The following CRYBG3 variants were observed in gnomAD, a reference collection of about 807,000 sequenced individuals.
The protein encoded by CRYBG3 is very large A-kinase anchor protein.
A neutral mutation model predicts 244.2 loss-of-function variants in CRYBG3; 127 were observed. That is an observed-to-expected ratio of 0.52 (90% CI 0.45 to 0.60). The LOEUF (loss-of-function observed/expected upper bound fraction) is 0.60. Ranked by LOEUF, CRYBG3 falls within the 20% of genes least tolerant of loss-of-function variation. CRYBG3 has a pLI of 0.00. For synonymous variants in CRYBG3, 1,132 were observed against 1,195.8 expected, an observed-to-expected ratio of 0.95 and a Z score of 1.10; for missense variants, 3,325 against 3,442.5, an observed-to-expected ratio of 0.97 and a Z score of 0.85.
rs2039356948 is a variant in CRYBG3 at position 97,875,252 on chromosome 3, A to G, written c.4058A>G (p.Asp1353Gly). 11 of 1,509,500 alleles carry G rather than the reference A, an allele frequency of 7.3e-6. No homozygotes were observed. The highest frequency in any genetic ancestry group is 2.2e-5 in the Admixed American group (1 of 45,330). The allele number at this position is 1,509,500 out of a possible 1,614,324, so 93.5% of individuals were successfully genotyped here. A position where few individuals can be genotyped will look rare whatever the true frequency, so the allele number is the denominator to read the frequency against. Reference sequence around the variant, plus strand: ...AACAGTGATAGTGTTAAGCCACATGATGTAGTTAGAGAGTTCTTGGTTTCA... The same window carrying G: ...AACAGTGATAGTGTTAAGCCACATGGTGTAGTTAGAGAGTTCTTGGTTTCA... ...ILNSDSVKPH[D>G]VVREFLVSEQ... Residue 1353 changes from aspartate (D) to glycine (G), a missense_variant, in exon 4 of 22, where the codon GAT (aspartate) becomes GGT (glycine). Physicochemically the swap from Asp to Gly is moderately conservative, Grantham distance 94. Coordinates refer to ENST00000389622, the MANE Select transcript of CRYBG3 (RefSeq NM_153605.4).
intron 20 of CRYBG3, 100 bp from the exon 21 acceptor site, chr3:97,942,184 C>A: frequency 9.7e-7 from 1 of 1,027,020 alleles, no homozygotes; most frequent in Non-Finnish European, 1.4e-6. Flanking sequence ...CACACACACA[C>A]TTCATGTCTA....
chr3:97,888,081 A>G (rs2039530441), intron 8 of CRYBG3, among the ~76,000 whole-genome samples: 1 of 152,230 alleles, frequency 6.6e-6, no homozygotes. Flanking sequence ...TCAGAAAAAT[A>G]AAAGTAATGC....
intron 17 of CRYBG3, among the ~76,000 whole-genome samples, chr3:97,921,996 C>T (rs750388493): frequency 1.3e-5 from 2 of 152,078 alleles, no homozygotes; most frequent in Non-Finnish European, 2.9e-5. Flanking sequence ...TGTAGAAAAA[C>T]TTCAGATAAA....
In CRYBG3 at chr3:97,899,121, C is replaced by CT; in HGVS notation, c.7845-10dup. On this transcript the variant is annotated splice_polypyrimidine_tract_variant and intron_variant, in intron 13 of 21. Transcript: ENST00000389622. ...ACTTGTTTTTATTTTTTTGTTTTTT[C>CT]TTTTTTCCCTACTAGATGGGTTGCC... is the stretch of plus-strand genomic sequence containing the variant. The CT allele has an allele frequency of 2.5e-6, 4 of 1,591,766 alleles. No individual in the cohort carries two copies. Among genetic ancestry groups the CT allele is most frequent in the Admixed American group, 1.9e-5 (1 of 53,948 alleles).
chr3:97,896,164 A>C, intron 12 of CRYBG3, 79 bp downstream of exon 12: 1 of 1,307,924 alleles, frequency 7.6e-7, no homozygotes, highest in South Asian at 1.5e-5. Context: ...TCCTGATAGA[A>C]CATGAGATTA....
chr3:97,843,869 T>C (rs1259294909), intron 2 of CRYBG3, among the ~76,000 whole-genome samples: 1 of 152,160 alleles, frequency 6.6e-6, no homozygotes, highest in Non-Finnish European at 1.5e-5. Context: ...TTCTAGAAAT[T>C]TGATGTTTCC....
rs376829784 is a variant in CRYBG3 at position 97,896,294 on chromosome 3, T to C, written c.7701+209T>C. Among the ~76,000 whole-genome samples, 6 of 152,320 alleles carry C rather than the reference T, an allele frequency of 3.9e-5. No individual in the cohort carries two copies. The East Asian group carries it at 1.2e-3, about 29-fold the overall frequency. On this transcript the variant is annotated intron_variant, in intron 12 of 21. Coordinates refer to ENST00000389622, the MANE Select transcript of CRYBG3 (RefSeq NM_153605.4). ...AACTTTTCATCCATTGTTTCCGTAATCATCTTTTGAGTACCTTCTTTGTTA... is the reference window on the plus strand; with the variant it reads ...AACTTTTCATCCATTGTTTCCGTAACCATCTTTTGAGTACCTTCTTTGTTA...
intron 17 of CRYBG3, chr3:97,933,015 T>TA: frequency 2.5e-6 from 1 of 403,770 alleles, no homozygotes; most frequent in Admixed American, 3.2e-5. Flanking sequence ...AGTTTTAATT[T>TA]AACTATTTGT....
Position 97,877,647 on chromosome 3 carries a change from G to A in CRYBG3, c.6453G>A (p.Glu2151=). ...GAGAGGCAGCTGATGAGGAAGAAGA[G>A]GAGGAGGAGGCAGCAGTATTGCATA... ...DDREAADEEE[E]EEEAAVLHKG... is the part of the protein sequence containing the mutation. Residue 2151 remains glutamate (E), a synonymous_variant, in exon 4 of 22, where the codon GAG becomes GAA. Transcript: ENST00000389622. 5 of 1,614,050 alleles carry A rather than the reference G, an allele frequency of 3.1e-6. No individual in the cohort carries two copies. The highest frequency in any genetic ancestry group is 1.1e-5 in the South Asian group (1 of 91,072).
At chr3:97,894,740 A>T (rs1249713219) in intron 11 of CRYBG3, among the ~76,000 whole-genome samples, 1 of 152,178 alleles carries the variant, frequency 6.6e-6, no homozygotes, top group Non-Finnish European at 1.5e-5. Context: ...TGTTTTGAGT[A>T]GCCACACTTA....
In CRYBG3 at chr3:97,873,153, T is replaced by C. The variant is rs1201496800; in HGVS notation, c.1959T>C (p.Ser653=). Residue 653 remains serine, a synonymous_variant, in exon 4 of 22, where the codon AGT becomes AGC. Coordinates refer to ENST00000389622, the MANE Select transcript of CRYBG3 (RefSeq NM_153605.4). ...LSLDCKKLNF[S]ISPPTFVSGV... ...TTGACTGTAAAAAACTAAATTTCAG[T>C]ATTTCACCTCCTACCTTTGTTTCTG... 8 of 1,535,780 alleles carry C rather than the reference T, an allele frequency of 5.2e-6. No individual in the cohort carries two copies. The highest frequency in any genetic ancestry group is 5.2e-6 in the Non-Finnish European group (6 of 1,146,716).
chr3:97,937,383 C>T (rs1018097048), intron 19 of CRYBG3, among the ~76,000 whole-genome samples: 1 of 152,230 alleles, frequency 6.6e-6, no homozygotes, highest in Non-Finnish European at 1.5e-5. Context: ...CCCCACCTTG[C>T]TTCTCCAACC....
chr3:97,923,147 T>A lies in CRYBG3; in HGVS notation c.8241+7411T>A, dbSNP rs140894368. 2.6e-5 allele frequency among the ~76,000 whole-genome samples: 4 copies of A among 151,994 alleles called. No individual in the cohort carries two copies. The East Asian group carries it at 7.8e-4, about 30-fold the overall frequency. On this transcript the variant is annotated intron_variant, in intron 17 of 21. Transcript: ENST00000389622. ...GGTGGGAATTGAACAATGAGAACAC[T>A]TGGACACAGGGCAGGGAACATCACA...
At position 97,942,302 on chromosome 3, in the gene CRYBG3, G is replaced by A. The variant is rs2040248891; in HGVS notation, c.8683G>A (p.Asp2895Asn). ...FKSKASDTCL[D>N]VIGGRDTPGA... ...CTTTTAGGCCAGTGATACATGTCTTGATGTGATTGGTGGCCGGGACACACC... is the reference window on the plus strand; with the variant it reads ...CTTTTAGGCCAGTGATACATGTCTTAATGTGATTGGTGGCCGGGACACACC... The change falls in exon 21 of 22, where the codon GAT becomes AAT. Residue 2895 changes from aspartate (D) to asparagine (N), a missense_variant. By Grantham distance (23) the Asp-to-Asn change is conservative. Transcript: ENST00000389622. 2 of 1,610,372 alleles carry A rather than the reference G, an allele frequency of 1.2e-6. No individual in the cohort carries two copies. The highest frequency in any genetic ancestry group is 1.1e-5 in the South Asian group (1 of 90,572).
At chr3:97,917,641 A>G (rs1457269705) in intron 17 of CRYBG3, among the ~76,000 whole-genome samples, 1 of 152,106 alleles carries the variant, frequency 6.6e-6, no homozygotes, top group Non-Finnish European at 1.5e-5. Context: ...CAGAAGGTCA[A>G]TTTAGTGTTT....
At chr3:97,881,359 T>C in intron 7 of CRYBG3, 140 bp downstream of exon 7, 1 of 553,954 alleles carries the variant, frequency 1.8e-6, no homozygotes. Flanking sequence ...GATAATCTTT[T>C]GAATTTATGC....
intron 15 of CRYBG3, 23 bp from the exon 16 acceptor site, chr3:97,912,144 C>G: frequency 7.7e-7 from 1 of 1,299,392 alleles, no homozygotes; most frequent in Middle Eastern, 1.9e-4. Context: ...TTCTATTTAA[C>G]TGTTGTGTTG....
Position 97,874,464 on chromosome 3 carries a change from A to G in CRYBG3, c.3270A>G (p.Lys1090=), listed in dbSNP as rs748946569. ...ATTTGGATTCTATACAAGTTACCAA[A>G]GATCTCACACATGAAGGTACCTCTG... ...QNNLDSIQVT[K]DLTHEGTSVT... Residue 1090 remains lysine (K), a synonymous_variant, in exon 4 of 22, where the codon AAA becomes AAG. Transcript: ENST00000389622. 6.5e-7 allele frequency: 1 copy of G among 1,534,684 alleles called. No homozygotes were observed. The highest frequency in any genetic ancestry group is 8.7e-7 in the Non-Finnish European group (1 of 1,146,360).
At chr3:97,933,668 G>A in intron 17 of CRYBG3, 26 bp from the exon 18 acceptor site, 1 of 1,611,654 alleles carries the variant, frequency 6.2e-7, no homozygotes, top group Non-Finnish European at 8.5e-7. Flanking sequence ...CACTCCTATG[G>A]TGACGCTTTC....
Sources: allele counts gnomAD v4.1 joint callset (sites outside exome capture counted in the v4.1 genomes callset), GRCh38; gene constraint gnomAD v4.1.1; transcripts MANE v1.5; gene names NCBI Gene and HGNC (gene_info 2026-07-23, HGNC 2026-07-21).